The following RRP1B variants were observed in gnomAD, a reference collection of about 807,000 sequenced individuals.
RRP1B encodes ribosomal RNA processing 1B.
A neutral mutation model predicts 80.2 loss-of-function variants in RRP1B; 56 were observed. The observed-to-expected ratio is 0.70, with a 90% CI of 0.56 to 0.87. The LOEUF is 0.87. RRP1B is among the 40% of genes least tolerant of loss of function. The probability of loss-of-function intolerance (pLI) is 0.00; values close to 1 mark genes in which losing one functional copy is unlikely to be tolerated. For synonymous variants in RRP1B, 351 were observed against 357.6 expected (o/e 0.98, Z 0.21); for missense variants, 807 against 939.8 (o/e 0.86, Z 1.85).
Position 43,683,374 on chromosome 21 carries a change from G to C in RRP1B, c.891+1G>C. The stretch of plus-strand genomic sequence containing the variant: ...TGAGGACACAGGGCCCCTTCTCCAG[G>C]TGGGTAGCAGTTGTTGCTTTTTATA... On this transcript the variant is annotated splice_donor_variant, in intron 9 of 15. Coordinates refer to ENST00000340648, the MANE Select transcript of RRP1B (RefSeq NM_015056.3). LOFTEE classifies it high-confidence loss of function. 1 of 1,611,846 alleles carries C rather than the reference G, an allele frequency of 6.2e-7. No individual in the cohort carries two copies. Among genetic ancestry groups the C allele is most frequent in the Non-Finnish European group, 8.5e-7 (1 of 1,177,954 alleles).
chr21:43,672,355 C>T lies in RRP1B; in HGVS notation c.261C>T (p.Asn87=), dbSNP rs1266422920. ...TIAQLVHAVN[N]SAAQHLFIQT... is the part of the protein sequence containing the mutation. ...CACAGCTAGTCCATGCTGTTAACAA[C>T]TCAGCGGCTCGTAAGTCCTGTTGTT... Residue 87 remains asparagine (N), a synonymous_variant, in exon 3 of 16, where the codon AAC becomes AAT. Transcript: ENST00000340648. 6.2e-7 allele frequency: 1 copy of T among 1,614,040 alleles called. No homozygotes were observed. Among genetic ancestry groups the T allele is most frequent in the Non-Finnish European group, 8.5e-7 (1 of 1,179,904 alleles).
At chr21:43,688,672 T>G (rs998096354) in intron 13 of RRP1B, among the ~76,000 whole-genome samples, 1 of 152,210 alleles carries the variant, frequency 6.6e-6, no homozygotes, top group African/African-American at 2.4e-5. Flanking sequence ...TATATTCTTT[T>G]CTTTTCTTAG....
In RRP1B at chr21:43,680,962, G is replaced by A. The variant is rs115282593; in HGVS notation, c.797-2317G>A. On this transcript the variant is annotated intron_variant, in intron 8 of 15. Coordinates refer to ENST00000340648, the MANE Select transcript of RRP1B (RefSeq NM_015056.3). ...ATATTTAATCAGAAAAAATCAAGCCGGTTGCAGTGGCTCATGCCTATAATC... is the reference window on the plus strand; with the variant it reads ...ATATTTAATCAGAAAAAATCAAGCCAGTTGCAGTGGCTCATGCCTATAATC... Among the ~76,000 whole-genome samples the A allele has an allele frequency of 6.1e-3, 932 of 152,208 alleles. 14 individuals are homozygous for A. The highest frequency in any genetic ancestry group is 0.021 in the African/African-American group (889 of 41,514).
Position 43,690,431 on chromosome 21 carries a change from T to TGCCGTC in RRP1B, c.2011_2016dup (p.Ala671_Val672dup). The TGCCGTC allele has an allele frequency of 6.2e-7, 1 of 1,614,006 alleles. No individual in the cohort carries two copies. Among genetic ancestry groups the TGCCGTC allele is most frequent in the Non-Finnish European group, 8.5e-7 (1 of 1,179,956 alleles). On this transcript the variant is annotated inframe_insertion, in exon 14 of 16. Transcript: ENST00000340648. Reference sequence around the variant, plus strand: ...GCACTGCCACCCACCCTCCAGGCCCTGCCGTCCAGGTACGCACCCTCCCCA... The same window carrying TGCCGTC: ...GCACTGCCACCCACCCTCCAGGCCCTGCCGTCGCCGTCCAGGTACGCACCCTCCCCA...
At chr21:43,669,216 T>G (rs553826567) in intron 1 of RRP1B, among the ~76,000 whole-genome samples, 98 of 152,032 alleles carry the variant, frequency 6.4e-4, no homozygotes, top group Non-Finnish European at 1.0e-3. Flanking sequence ...GGAGGGTGAT[T>G]GACAAAGCCA....
rs1190536274 is a variant in RRP1B, at chr21:43,659,755, C to G, written c.91C>G (p.Leu31Val). The part of the protein sequence containing the change: ...KGIRDRAVKK[L>V]RQYISVKTQR... ...CATCCGGGACCGAGCGGTGAAGAAG[C>G]TGCGCCAGTACATCAGCGTGAAGAC... The change falls in exon 1 of 16, where the codon CTG becomes GTG. Residue 31 changes from leucine (L) to valine (V), a missense_variant. By Grantham distance (32) the Leu-to-Val change is conservative. Coordinates refer to ENST00000340648, the MANE Select transcript of RRP1B (RefSeq NM_015056.3). The surrounding 1 kb of genome is among the most constrained non-coding windows in gnomAD (Gnocchi z 4.2). 2 of 1,524,816 alleles carry G rather than the reference C, an allele frequency of 1.3e-6. No homozygotes were observed. Among genetic ancestry groups the G allele is most frequent in the Non-Finnish European group, 1.8e-6 (2 of 1,133,804 alleles). 94.5% of individuals were successfully genotyped at this position (1,524,816 alleles called of 1,614,324 possible). A position where few individuals can be genotyped will look rare whatever the true frequency, so the allele number is the denominator to read the frequency against.
In RRP1B at chr21:43,686,814, ATC is replaced by A. The variant is rs1054660534; in HGVS notation, c.1023_1024del (p.Gln342ThrfsTer10). The A allele has an allele frequency of 1.2e-6, 2 of 1,614,120 alleles. No homozygotes were observed. The highest frequency in any genetic ancestry group is 1.3e-5 in the African/African-American group (1 of 75,052). ...CACTCTGGCATCTAGGAAGCAGTAT[ATC>A]TCAACTCAGTTTTGCGGAGGACATT... ...FQDLSEGSSI[S>X]QLSFAEDISA... On this transcript the variant is annotated frameshift_variant, in exon 12 of 16. Transcript: ENST00000340648. LOFTEE classifies it high-confidence loss of function.
At position 43,695,957 on chromosome 21, in the gene RRP1B, C is replaced by G. The variant is rs2083105488; in HGVS notation, c.*2574C>G. On this transcript the variant is annotated 3_prime_UTR_variant, in exon 16 of 16. Transcript: ENST00000340648. The stretch of plus-strand genomic sequence containing the variant: ...CTTTTAACTTTTGTATGTGTTTTAT[C>G]AGAATTTGCTGGACTATGCTGGCAA... 1 of 152,126 alleles carries G rather than the reference C, an allele frequency of 6.6e-6. No individual in the cohort carries two copies. The highest frequency in any genetic ancestry group is 1.5e-5 in the Non-Finnish European group (1 of 68,034). 9.4% of individuals were successfully genotyped at this position (152,126 alleles called of 1,614,324 possible). A position where few individuals can be genotyped will look rare whatever the true frequency, so the allele number is the denominator to read the frequency against.
chr21:43,673,160 G>A (rs1310145938), intron 3 of RRP1B, among the ~76,000 whole-genome samples: 1 of 152,124 alleles, frequency 6.6e-6, no homozygotes. Flanking sequence ...AGAATTAATG[G>A]TTTTGAACTG....
intron 6 of RRP1B, among the ~76,000 whole-genome samples, chr21:43,675,528 AACAT>A (rs1211307574): frequency 6.6e-6 from 1 of 152,264 alleles, no homozygotes; most frequent in Non-Finnish European, 1.5e-5. Context: ...CTGGAAAGGA[AACAT>A]ACATTTTTTA....
At chr21:43,663,941 C>G (rs2082968169) in intron 1 of RRP1B, among the ~76,000 whole-genome samples, 1 of 151,954 alleles carries the variant, frequency 6.6e-6, no homozygotes. Flanking sequence ...AAATTTAGCC[C>G]CAAGAAGAAA....
At position 43,693,665 on chromosome 21, in the gene RRP1B, C is replaced by G. The variant is rs2147180209; in HGVS notation, c.*282C>G. On this transcript the variant is annotated 3_prime_UTR_variant, in exon 16 of 16. Transcript: ENST00000340648. This position sits in a 1 kb window ranked among gnomAD's most constrained non-coding sequence, Gnocchi z 4.1. Reference sequence around the variant, plus strand: ...TCCCATTGGTGTAGGAAATGAGACCCTCTCTGAAGCTGAGGAGAGCACGTT... The same window carrying G: ...TCCCATTGGTGTAGGAAATGAGACCGTCTCTGAAGCTGAGGAGAGCACGTT... The G allele has an allele frequency of 2.3e-5, 8 of 347,104 alleles. No homozygotes were observed. The South Asian group carries it at 4.0e-4, about 17-fold the overall frequency. The allele number at this position is 347,104 out of a possible 1,614,324, so 21.5% of individuals were successfully genotyped here.
intron 7 of RRP1B, 74 bp from the exon 8 acceptor site, chr21:43,676,659 C>A: frequency 5.8e-6 from 8 of 1,370,422 alleles, no homozygotes; most frequent in Non-Finnish European, 8.1e-6. Context: ...CAGGGCTTCC[C>A]TCTGTGCCCC....
intron 1 of RRP1B, among the ~76,000 whole-genome samples, chr21:43,664,612 C>T (rs1234890446): frequency 6.6e-6 from 1 of 152,206 alleles, no homozygotes; most frequent in East Asian, 1.9e-4. Context: ...ACTCTGTTGC[C>T]TCCTAGAAAA....
chr21:43,671,386 T>C (rs1030296298), intron 2 of RRP1B, among the ~76,000 whole-genome samples: 4 of 150,848 alleles, frequency 2.7e-5, no homozygotes, highest in South Asian at 4.2e-4. Context: ...TTTTTTTTTT[T>C]ACAGAGTTTC....
intron 8 of RRP1B, 53 bp from the exon 9 acceptor site, chr21:43,683,226 A>T (rs2083050394): frequency 7.0e-7 from 1 of 1,425,508 alleles, no homozygotes; most frequent in Non-Finnish European, 9.9e-7. Context: ...GGAAGTAGTC[A>T]CTTCTGTGTA....
chr21:43,672,439 A>G (rs930238944), intron 3 of RRP1B, 74 bp downstream of exon 3: 4 of 1,265,542 alleles, frequency 3.2e-6, no homozygotes, highest in Non-Finnish European at 3.5e-6. Context: ...TTGTGCCGGT[A>G]TTGTGTAGAT....
rs572182575 is a variant in RRP1B at position 43,669,253 on chromosome 21, A to T, written c.131-631A>T. On this transcript the variant is annotated intron_variant, in intron 1 of 15. Coordinates refer to ENST00000340648, the MANE Select transcript of RRP1B (RefSeq NM_015056.3). ...CCTGGTGATGCCACAGTAAATGATC[A>T]CCGTTACAGGGAGGGTGACTGGGAG... Among the ~76,000 whole-genome samples the T allele has an allele frequency of 1.8e-3, 272 of 152,220 alleles. 1 individual carries two copies. Among genetic ancestry groups the T allele is most frequent in the Non-Finnish European group, 3.3e-3 (226 of 67,990 alleles).
At chr21:43,660,005 T>A (rs539408560) in intron 1 of RRP1B, among the ~76,000 whole-genome samples, 1 of 152,212 alleles carries the variant, frequency 6.6e-6, no homozygotes, top group Non-Finnish European at 1.5e-5. Context: ...CCGTTACTTA[T>A]GAAAGTCACA....
Sources: allele counts gnomAD v4.1 joint callset (sites outside exome capture counted in the v4.1 genomes callset), GRCh38; gene constraint gnomAD v4.1.1; non-coding constraint Gnocchi (gnomAD v3.1); transcripts MANE v1.5; gene names NCBI Gene and HGNC (gene_info 2026-07-23, HGNC 2026-07-21).